DOP1A: variants seen among roughly 807,000 people sequenced by gnomAD.
The protein encoded by DOP1A is protein DOP1A.
A neutral mutation model predicts 267.6 loss-of-function variants in DOP1A; 90 were observed. That is an observed-to-expected ratio of 0.34 (90% CI 0.28 to 0.40). The LOEUF is 0.40. Ranked by LOEUF, DOP1A falls within the 10% of genes least tolerant of loss-of-function variation. The probability of loss-of-function intolerance (pLI) is 1.00; values close to 1 mark genes in which losing one functional copy is unlikely to be tolerated. For missense variants in DOP1A, 2,437 were observed against 2,900.4 expected (o/e 0.84, Z 3.67); for synonymous variants, 932 against 999.1 (o/e 0.93, Z 1.27).
rs960762563 is a variant in DOP1A, at chr6:83,152,178, CATATACATATAT to C, written c.6050-96_6050-85del. The C allele has an allele frequency of 1.5e-4, 115 of 754,522 alleles. No homozygotes were observed. In the African/African-American group the frequency reaches 1.7e-3, roughly 11 times the overall value. 46.7% of individuals were successfully genotyped at this position (754,522 alleles called of 1,614,324 possible). A position where few individuals can be genotyped will look rare whatever the true frequency, so the allele number is the denominator to read the frequency against. On this transcript the variant is annotated intron_variant, in intron 29 of 38. Coordinates refer to ENST00000349129, the MANE Select transcript of DOP1A (RefSeq NM_015018.4). ...TTTCAGTGGGAAAAATATATATATACATATACATATATATATACATATATAAAAATAATACAC... is the reference window on the plus strand; with the variant it reads ...TTTCAGTGGGAAAAATATATATATACATATACATATATAAAAATAATACAC...
chr6:83,099,708 GTA>G (rs879292077), intron 3 of DOP1A, among the ~76,000 whole-genome samples: 157 of 72,056 alleles, frequency 2.2e-3, no homozygotes, highest in Admixed American at 0.017. Context: ...GTGTGTGTGT[GTA>G]TATACATATA....
chr6:83,125,799 G>C (rs1353169328), intron 15 of DOP1A, 66 bp downstream of exon 15: 1 of 1,334,846 alleles, frequency 7.5e-7, no homozygotes, highest in African/African-American at 1.5e-5. Context: ...CAGTTACTTA[G>C]TAAAATCACT....
chr6:83,138,208 A>C lies in DOP1A; in HGVS notation c.4166A>C (p.Lys1389Thr). The change falls in exon 21 of 39, where the codon AAA becomes ACA. Residue 1389 changes from lysine (K) to threonine (T), a missense_variant. Around this residue, in one of 9 missense-constraint regions of DOP1A, gnomAD observed 878 missense variants for 992.9 expected, o/e 0.88. Transcript: ENST00000349129. Reference protein sequence around the residue: ...SRTLYAFSAIKAILKTNPIAF... With the variant: ...SRTLYAFSAITAILKTNPIAF... Reference sequence around the variant, plus strand: ...ACTTTGTATGCTTTCTCTGCCATCAAAGCCATCTTGAAAACTAACCCTATA... The same window carrying C: ...ACTTTGTATGCTTTCTCTGCCATCACAGCCATCTTGAAAACTAACCCTATA... 1.2e-6 allele frequency: 2 copies of C among 1,613,730 alleles called. No homozygotes were observed. Among genetic ancestry groups the C allele is most frequent in the Admixed American group, 3.3e-5 (2 of 59,994 alleles).
intron 1 of DOP1A, among the ~76,000 whole-genome samples, chr6:83,083,454 T>G (rs796273849): frequency 3.3e-5 from 5 of 152,054 alleles, no homozygotes; most frequent in African/African-American, 9.6e-5. Context: ...AAGATACTGA[T>G]TAAGGGCCAA....
At chr6:83,069,621 A>G (rs949390720) in intron 1 of DOP1A, among the ~76,000 whole-genome samples, 1 of 152,200 alleles carries the variant, frequency 6.6e-6, no homozygotes, top group Non-Finnish European at 1.5e-5. Flanking sequence ...TATAAAAAAA[A>G]TTATATTTTT....
chr6:83,112,503 G>A (rs1774726050), intron 6 of DOP1A, among the ~76,000 whole-genome samples: 2 of 152,128 alleles, frequency 1.3e-5, no homozygotes, highest in Admixed American at 6.5e-5. Flanking sequence ...TCACTTTGTC[G>A]CCCAGGCTGG....
chr6:83,114,847 G>A (rs527414182), intron 7 of DOP1A, among the ~76,000 whole-genome samples: 2 of 152,188 alleles, frequency 1.3e-5, no homozygotes, highest in South Asian at 2.1e-4. Context: ...TTTTTTAAAA[G>A]TATACACCCA....
chr6:83,120,979 T>TA (rs1264640880), intron 10 of DOP1A, among the ~76,000 whole-genome samples, 188 bp downstream of exon 10: 3 of 152,044 alleles, frequency 2.0e-5, no homozygotes, highest in African/African-American at 7.2e-5. Context: ...CGTTATTATG[T>TA]ATCTGTCTTG....
intron 10 of DOP1A, among the ~76,000 whole-genome samples, chr6:83,121,223 G>A (rs1280611729): frequency 6.6e-6 from 1 of 151,568 alleles, no homozygotes; most frequent in Non-Finnish European, 1.5e-5. Flanking sequence ...TATGGCACTT[G>A]AGACAGAAAT....
rs2307912 is a variant in DOP1A at position 83,132,336 on chromosome 6, C to CTCT, written c.2769+10_2769+12dup. The CTCT allele has an allele frequency of 0.27, 439,195 of 1,598,216 alleles. 64,599 individuals carry two copies. The highest frequency in any genetic ancestry group is 0.56 in the African/African-American group (41,941 of 74,384). ...TTAACCCATAAAGATAAGGTAAATC[C>CTCT]TCTTATCTTGTGCACACCGCCCCCT... On this transcript the variant is annotated intron_variant, in intron 18 of 38. Coordinates refer to ENST00000349129, the MANE Select transcript of DOP1A (RefSeq NM_015018.4).
At chr6:83,170,790 TAAG>T (rs748981634), downstream of DOP1A, 65 of 208,018 alleles carry the variant, frequency 3.1e-4, no homozygotes, top group African/African-American at 8.2e-4. Flanking sequence ...GCCCATTATA[TAAG>T]AAGACCGATA....
chr6:83,100,827 T>C lies in DOP1A; in HGVS notation c.261T>C (p.Tyr87=), dbSNP rs912038266. Residue 87 remains tyrosine (Y), a synonymous_variant, in exon 4 of 39, where the codon TAT becomes TAC. Coordinates refer to ENST00000349129, the MANE Select transcript of DOP1A (RefSeq NM_015018.4). ...TTCATCGGAAGGCGCTTGAAACATA[T>C]GAAATTATCTTCAAAATAATTGGAC... The part of the protein sequence containing the change: ...GGVHRKALET[Y]EIIFKIIGPK... 2 of 1,586,848 alleles carry C rather than the reference T, an allele frequency of 1.3e-6. No individual in the cohort carries two copies. The highest frequency in any genetic ancestry group is 1.7e-6 in the Non-Finnish European group (2 of 1,164,986).
At chr6:83,109,836 G>A (rs1011710431) in intron 5 of DOP1A, among the ~76,000 whole-genome samples, 1 of 152,122 alleles carries the variant, frequency 6.6e-6, no homozygotes, top group Non-Finnish European at 1.5e-5. Flanking sequence ...AGGTCTTGTG[G>A]TGGAGTGTTT....
At position 83,128,982 on chromosome 6, in the gene DOP1A, T is replaced by G; in HGVS notation, c.1815T>G (p.Phe605Leu). 1.2e-6 allele frequency: 2 copies of G among 1,610,800 alleles called. No individual in the cohort carries two copies. Among genetic ancestry groups the G allele is most frequent in the Non-Finnish European group, 8.5e-7 (1 of 1,178,460 alleles). Residue 605 changes from phenylalanine to leucine, a missense_variant, in exon 16 of 39, where the codon TTT becomes TTG. Physicochemically the swap from Phe to Leu is conservative, Grantham distance 22 (BLOSUM62 0). Around this residue, in one of 9 missense-constraint regions of DOP1A, gnomAD observed 498 missense variants for 513.5 expected, o/e 0.97. Transcript: ENST00000349129. ...CATCAGAGAGTGGATTCACTGAGTT[T>G]ATACAATATCAAGCAGACCGAACTG... The part of the protein sequence containing the change: ...SRSSESGFTE[F>L]IQYQADRTDD...
intron 38 of DOP1A, chr6:83,167,378 C>T (rs1786010427): frequency 2.0e-6 from 2 of 984,450 alleles, no homozygotes; most frequent in Non-Finnish European, 2.4e-6. Flanking sequence ...TTGGACACTG[C>T]TACCATCATG....
At chr6:83,152,116 A>C in intron 29 of DOP1A, 89 bp downstream of exon 29, 1 of 1,455,568 alleles carries the variant, frequency 6.9e-7, no homozygotes, top group Non-Finnish European at 9.4e-7. Context: ...AAGTACCACA[A>C]ATTTATCCCT....
At chr6:83,145,734 A>G in intron 25 of DOP1A, 76 bp downstream of exon 25, 1 of 1,441,394 alleles carries the variant, frequency 6.9e-7, no homozygotes, top group South Asian at 1.3e-5. Context: ...TTTTTTGTAC[A>G]ATAATGTCCT....
chr6:83,127,650 C>T (rs957545600), intron 15 of DOP1A, among the ~76,000 whole-genome samples: 1 of 152,026 alleles, frequency 6.6e-6, no homozygotes, highest in Admixed American at 6.6e-5. Flanking sequence ...CCTATAGTAG[C>T]GCAGGTGAGA....
intron 1 of DOP1A, among the ~76,000 whole-genome samples, chr6:83,071,568 G>T (rs915008506): frequency 6.6e-6 from 1 of 151,900 alleles, no homozygotes; most frequent in African/African-American, 2.4e-5. Context: ...ATCATCCCAC[G>T]TCTCCATTTG....
Sources: gnomAD v4.1 joint callset for allele counts (sites outside exome capture counted in the v4.1 genomes callset) on GRCh38, gnomAD v4.1.1 for gene constraint, gnomAD v4.1.1 regional missense constraint, MANE v1.5 for transcripts, NCBI Gene and HGNC (gene_info 2026-07-23, HGNC 2026-07-21) for gene names.